The following ATL1 variants were observed in gnomAD, a reference collection of about 807,000 sequenced individuals.
The protein encoded by ATL1 is atlastin-1.
A neutral mutation model predicts 75.5 loss-of-function variants in ATL1; 31 were observed. The ratio of observed to expected loss-of-function variants is 0.41; its 90% confidence interval spans 0.31 to 0.55. ATL1 has a LOEUF of 0.55. ATL1 is among the 20% of genes least tolerant of loss of function. ATL1 has a pLI of 0.27. For synonymous variants in ATL1, 226 were observed against 233.3 expected (o/e 0.97, Z 0.28); for missense variants, 405 against 662.6 (o/e 0.61, Z 4.27).
chr14:50,547,284 A>G (rs1191224425), intron 1 of ATL1, among the ~76,000 whole-genome samples: 1 of 152,200 alleles, frequency 6.6e-6, no homozygotes, highest in African/African-American at 2.4e-5. Flanking sequence ...AAATCTTAAA[A>G]TTATTTTAGG....
chr14:50,555,734 C>T (rs916794458), upstream of ATL1, among the ~76,000 whole-genome samples: 1 of 152,140 alleles, frequency 6.6e-6, no homozygotes, highest in East Asian at 1.9e-4. Flanking sequence ...GTCCATGATA[C>T]CACTGAGCTG....
upstream of ATL1, among the ~76,000 whole-genome samples, chr14:50,555,642 T>C (rs966707156): frequency 4.6e-5 from 7 of 152,212 alleles, no homozygotes; most frequent in African/African-American, 1.4e-4. Flanking sequence ...CTCAGATTAT[T>C]TCATAAGACC....
chr14:50,589,969 AAC>A (rs1398837501), intron 2 of ATL1, among the ~76,000 whole-genome samples: 2 of 152,218 alleles, frequency 1.3e-5, no homozygotes, highest in Non-Finnish European at 2.9e-5. Flanking sequence ...AAATGGGGGT[AAC>A]TACTATCAAC....
intron 13 of ATL1, chr14:50,631,093 T>C: frequency 3.4e-6 from 1 of 292,446 alleles, no homozygotes; most frequent in Non-Finnish European, 6.7e-6. Context: ...GCCCCATCTC[T>C]ACTAAAAATA....
chr14:50,570,753 T>C (rs1327821159), intron 1 of ATL1, among the ~76,000 whole-genome samples: 1 of 152,226 alleles, frequency 6.6e-6, no homozygotes, highest in Non-Finnish European at 1.5e-5. Flanking sequence ...AAATGGCCAG[T>C]ACTTTCTTCT....
At chr14:50,581,760 C>T (rs1438166260) in intron 1 of ATL1, among the ~76,000 whole-genome samples, 1 of 151,976 alleles carries the variant, frequency 6.6e-6, no homozygotes, top group African/African-American at 2.4e-5. Context: ...GGTAAATGTT[C>T]CATATGAACT....
At chr14:50,626,802 T>C (rs895014846) in intron 11 of ATL1, among the ~76,000 whole-genome samples, 3 of 152,238 alleles carry the variant, frequency 2.0e-5, no homozygotes, top group Admixed American at 6.5e-5. Flanking sequence ...CAGTAGATTA[T>C]TGCTAATTAC....
intron 6 of ATL1, among the ~76,000 whole-genome samples, chr14:50,596,679 C>A (rs1295491316): frequency 6.6e-6 from 1 of 152,116 alleles, no homozygotes; most frequent in East Asian, 1.9e-4. Flanking sequence ...AGAAAGTGCT[C>A]ATTTTAAAAA....
Position 50,620,707 on chromosome 14 carries a change from G to T in ATL1, c.971G>T (p.Gly324Val). Reference protein sequence around the residue: ...EINGNKITCRGLVEYFKAYIK... With the variant: ...EINGNKITCRVLVEYFKAYIK... ...AATGGGAATAAAATCACCTGCCGGG[G>T]TCTGGTGGAGTACTTCAAGGTATCA... The change falls in exon 9 of 14, where the codon GGT (glycine) becomes GTT (valine). Residue 324 changes from glycine (G) to valine (V), a missense_variant. Coordinates refer to ENST00000358385, the MANE Select transcript of ATL1 (RefSeq NM_015915.5). The T allele has an allele frequency of 6.2e-7, 1 of 1,613,574 alleles. No homozygotes were observed. The highest frequency in any genetic ancestry group is 1.7e-5 in the Admixed American group (1 of 60,008).
At chr14:50,580,734 G>A (rs948234014) in intron 1 of ATL1, among the ~76,000 whole-genome samples, 1 of 152,078 alleles carries the variant, frequency 6.6e-6, no homozygotes, top group African/African-American at 2.4e-5. Context: ...AATAAGTTGA[G>A]AATGGTCTCT....
chr14:50,565,447 T>C (rs1040179324), intron 1 of ATL1, among the ~76,000 whole-genome samples: 1 of 150,866 alleles, frequency 6.6e-6, no homozygotes, highest in East Asian at 1.9e-4. Flanking sequence ...ATCGCACCAC[T>C]GTACTCCAGC....
At chr14:50,536,971 A>C (rs1466818098) in intron 1 of ATL1, among the ~76,000 whole-genome samples, 1 of 152,264 alleles carries the variant, frequency 6.6e-6, no homozygotes, top group Non-Finnish European at 1.5e-5. Context: ...AAATTCAAGC[A>C]GGCTGCAGAA....
At chr14:50,627,022 T>G (rs1315504286) in intron 11 of ATL1, among the ~76,000 whole-genome samples, 5 of 152,228 alleles carry the variant, frequency 3.3e-5, no homozygotes, top group Non-Finnish European at 7.3e-5. Context: ...TAAAATGCTG[T>G]CAAATGGCAT....
At chr14:50,558,273 C>G (rs1262439515), upstream of ATL1, among the ~76,000 whole-genome samples, 1 of 152,134 alleles carries the variant, frequency 6.6e-6, no homozygotes, top group Non-Finnish European at 1.5e-5. Context: ...GCATGAGAAT[C>G]GCTTGAACCT....
chr14:50,580,974 T>C (rs2039049853), intron 1 of ATL1, among the ~76,000 whole-genome samples: 1 of 152,026 alleles, frequency 6.6e-6, no homozygotes, highest in Admixed American at 6.5e-5. Flanking sequence ...AAATTTATTG[T>C]CATAAAATTA....
chr14:50,610,219 T>C (rs1313637654), intron 6 of ATL1, among the ~76,000 whole-genome samples: 1 of 152,104 alleles, frequency 6.6e-6, no homozygotes, highest in African/African-American at 2.4e-5. Context: ...ACTATTTCCC[T>C]AGGGAAAACT....
chr14:50,551,573 A>G (rs1475591304), intron 1 of ATL1, among the ~76,000 whole-genome samples: 1 of 152,166 alleles, frequency 6.6e-6, no homozygotes, highest in African/African-American at 2.4e-5. Context: ...CCATAACAAA[A>G]AAAGAAAACT....
intron 1 of ATL1, among the ~76,000 whole-genome samples, chr14:50,563,699 G>T (rs902526651): frequency 6.6e-6 from 1 of 152,190 alleles, no homozygotes; most frequent in African/African-American, 2.4e-5. Context: ...CAGCAGAAAA[G>T]CATCTCTGCT....
At chr14:50,560,530 C>A in intron 1 of ATL1, 2 of 578,400 alleles carry the variant, frequency 3.5e-6, no homozygotes, top group Middle Eastern at 4.6e-4. Flanking sequence ...GCAGGCCGGG[C>A]CTCCAGCTCC....
Sources: gnomAD v4.1 joint callset for allele counts (sites outside exome capture counted in the v4.1 genomes callset) on GRCh38, gnomAD v4.1.1 for gene constraint, MANE v1.5 for transcripts, NCBI Gene and HGNC (gene_info 2026-07-23, HGNC 2026-07-21) for gene names.